RIPOR2: variants seen among roughly 807,000 people sequenced by gnomAD.
RIPOR2 encodes the protein RHO family interacting cell polarization regulator 2.
Under a neutral mutation model 114.5 loss-of-function variants are expected in RIPOR2, and 39 were observed. The ratio of observed to expected loss-of-function variants is 0.34; its 90% confidence interval spans 0.26 to 0.44. The LOEUF is 0.44. Ranked by LOEUF, RIPOR2 falls within the 20% of genes least tolerant of loss-of-function variation. The pLI, the probability that RIPOR2 is intolerant of heterozygous loss-of-function variation, is 1.00. For missense variants in RIPOR2, 1,007 were observed against 1,255.1 expected (o/e 0.80, Z 2.99); for synonymous variants, 445 against 484.4 (o/e 0.92, Z 1.07).
At chr6:24,866,193 T>C (rs1330458382) in intron 6 of RIPOR2, among the ~76,000 whole-genome samples, 1 of 152,234 alleles carries the variant, frequency 6.6e-6, no homozygotes, top group African/African-American at 2.4e-5. Flanking sequence ...CTCTTTTTCG[T>C]GTAAATTATG....
At chr6:24,896,774 G>A (rs190584386) in intron 1 of RIPOR2, among the ~76,000 whole-genome samples, 6 of 152,072 alleles carry the variant, frequency 3.9e-5, no homozygotes, top group Non-Finnish European at 7.3e-5. Flanking sequence ...GTGGTGGCAC[G>A]TGCCTGTAAT....
chr6:25,001,254 T>C (rs1313791397), intron 1 of RIPOR2, among the ~76,000 whole-genome samples: 2 of 152,198 alleles, frequency 1.3e-5, no homozygotes, highest in East Asian at 3.8e-4. Flanking sequence ...ATCATACAAA[T>C]ACAGAGACAA....
chr6:24,989,294 T>C (rs1774678960), intron 1 of RIPOR2, among the ~76,000 whole-genome samples: 2 of 123,442 alleles, frequency 1.6e-5, no homozygotes, highest in Admixed American at 1.5e-4. Flanking sequence ...ATTGTACTTG[T>C]CTTTTTCTTT....
Position 24,960,229 on chromosome 6 carries a change from T to C in RIPOR2, c.76+81622A>G, listed in dbSNP as rs116481350. ...CTGAGACTGGGTAATTTATAAATTA[T>C]AGAAATGTACTTCTCACAGTTCTGG... On this transcript the variant is annotated intron_variant, in intron 1 of 13. Coordinates refer to the RIPOR2 transcript ENST00000510784. Among the ~76,000 whole-genome samples the C allele has an allele frequency of 3.7e-3, 566 of 152,300 alleles. 2 individuals carry two copies. Among genetic ancestry groups the C allele is most frequent in the African/African-American group, 0.013 (542 of 41,560 alleles).
chr6:25,041,899 T>C, exon 1 of RIPOR2: 1 of 702,806 alleles, frequency 1.4e-6, no homozygotes, highest in Non-Finnish European at 2.6e-6. Flanking sequence ...CTGTTTCTGA[T>C]CCAGTGTAAT....
chr6:24,875,214 C>T (rs555213835), intron 2 of RIPOR2, among the ~76,000 whole-genome samples: 1 of 152,136 alleles, frequency 6.6e-6, no homozygotes, highest in Non-Finnish European at 1.5e-5. Flanking sequence ...TATTCACTGT[C>T]TGTTCTTTCT....
At chr6:25,022,146 T>C (rs1277595596) in intron 1 of RIPOR2, among the ~76,000 whole-genome samples, 2 of 152,180 alleles carry the variant, frequency 1.3e-5, no homozygotes, top group South Asian at 2.1e-4. Flanking sequence ...TTTTAACAAA[T>C]GTATACAGTA....
At chr6:25,040,575 G>T (rs1314998753) in intron 1 of RIPOR2, among the ~76,000 whole-genome samples, 1 of 147,028 alleles carries the variant, frequency 6.8e-6, no homozygotes, top group Non-Finnish European at 1.5e-5. Flanking sequence ...CTTTCACATA[G>T]AAATTAGTGT....
chr6:24,958,487 G>T (rs748958419), intron 1 of RIPOR2, among the ~76,000 whole-genome samples: 1 of 152,128 alleles, frequency 6.6e-6, no homozygotes, highest in Admixed American at 6.5e-5. Flanking sequence ...ACTTCCCAGC[G>T]CATTAACTCC....
intron 7 of RIPOR2, among the ~76,000 whole-genome samples, chr6:24,863,650 TA>T (rs1169162726): frequency 3.3e-5 from 5 of 152,234 alleles, no homozygotes; most frequent in Admixed American, 2.6e-4. Context: ...CACTATCATT[TA>T]ACTGAAATTA....
chr6:25,004,696 A>G lies in RIPOR2; in HGVS notation c.76+37155T>C, dbSNP rs1323820517. Among the ~76,000 whole-genome samples the G allele has an allele frequency of 2.6e-5, 4 of 152,104 alleles. No individual in the cohort carries two copies. The South Asian group carries it at 8.3e-4, about 31-fold the overall frequency. On this transcript the variant is annotated intron_variant, in intron 1 of 13. Coordinates refer to the RIPOR2 transcript ENST00000510784. ...GCAGAAAACTGAAGGATGCCCTTTT[A>G]GAGTTTGTATGGGTTGTTTTTGGAG...
chr6:24,824,857 C>A (rs879897318), intron 19 of RIPOR2, among the ~76,000 whole-genome samples: 2 of 152,078 alleles, frequency 1.3e-5, no homozygotes, highest in African/African-American at 2.4e-5. Flanking sequence ...CATGGACATG[C>A]CATTCATCCA....
chr6:24,946,627 T>C lies in RIPOR2; in HGVS notation c.77-70810A>G, dbSNP rs973124138. Among the ~76,000 whole-genome samples the C allele has an allele frequency of 5.3e-5, 8 of 151,660 alleles. No homozygotes were observed. The South Asian group carries it at 6.2e-4, about 12-fold the overall frequency. On this transcript the variant is annotated intron_variant, in intron 1 of 13. Transcript: ENST00000510784. ...AAAGACTACTGGTGCAGATCTCACA[T>C]TGAGCAGAGTAGGACTACAGCAGGA...
upstream of RIPOR2, among the ~76,000 whole-genome samples, chr6:24,937,014 A>G (rs1771848580): frequency 6.6e-6 from 1 of 152,102 alleles, no homozygotes; most frequent in Non-Finnish European, 1.5e-5. Context: ...AAATTGCACC[A>G]TTTTCTCCCA....
chr6:24,957,851 G>T (rs1773109681), intron 1 of RIPOR2, among the ~76,000 whole-genome samples: 1 of 152,136 alleles, frequency 6.6e-6, no homozygotes, highest in Non-Finnish European at 1.5e-5. Context: ...CTCCAGCCTG[G>T]GCGACAGAGC....
At chr6:24,840,252 T>C in intron 13 of RIPOR2, 2 of 1,017,400 alleles carry the variant, frequency 2.0e-6, no homozygotes, top group Non-Finnish European at 2.4e-6. Flanking sequence ...TCACAGCATA[T>C]AATTTTTCCT....
intron 17 of RIPOR2, among the ~76,000 whole-genome samples, chr6:24,829,535 G>A (rs78811849): frequency 2.3e-3 from 351 of 152,254 alleles, no homozygotes; most frequent in South Asian, 0.017. Context: ...GAAGAGGCAG[G>A]AGAATCTCCT....
intron 1 of RIPOR2, among the ~76,000 whole-genome samples, chr6:24,885,370 G>A (rs1033583267): frequency 1.3e-5 from 2 of 152,106 alleles, no homozygotes; most frequent in Non-Finnish European, 2.9e-5. Context: ...CTACTGGCAT[G>A]TGCCTCCACA....
chr6:24,983,756 CAAAAAA>C (rs34480037), intron 1 of RIPOR2, among the ~76,000 whole-genome samples: 1 of 47,180 alleles, frequency 2.1e-5, no homozygotes, highest in Non-Finnish European at 3.5e-5. Flanking sequence ...GACTGTGTCT[CAAAAAA>C]AAAAAAAAAA....
Sources: gnomAD v4.1 joint callset for allele counts (sites outside exome capture counted in the v4.1 genomes callset) on GRCh38, gnomAD v4.1.1 for gene constraint, MANE v1.5 for transcripts, NCBI Gene and HGNC (gene_info 2026-07-23, HGNC 2026-07-21) for gene names.